Variants in RAB3GAP2 observed in about 807,000 individuals in gnomAD.
RAB3GAP2 encodes RAB3 GTPase activating non-catalytic protein subunit 2, also known as rab3 GTPase-activating protein non-catalytic subunit.
A neutral mutation model predicts 185.3 loss-of-function variants in RAB3GAP2; 87 were observed. The ratio of observed to expected loss-of-function variants is 0.47; its 90% CI spans 0.39 to 0.56. The LOEUF (loss-of-function observed/expected upper bound fraction) is 0.56, where lower values mean the gene tolerates loss of function less well. Ranked by LOEUF, RAB3GAP2 falls within the 20% of genes least tolerant of loss-of-function variation. RAB3GAP2 has a pLI of 0.00. For missense variants in RAB3GAP2, 1,492 were observed against 1,638.2 expected (o/e 0.91, Z 1.54); for synonymous variants, 554 against 576.1 (o/e 0.96, Z 0.55).
intron 9 of RAB3GAP2, among the ~76,000 whole-genome samples, chr1:220,196,792 A>G (rs190084775): frequency 9.4e-4 from 143 of 151,886 alleles, no homozygotes; most frequent in African/African-American, 3.3e-3. Context: ...GGTCACACCA[A>G]CTGCACTCCA....
rs1476717844 is a variant in RAB3GAP2, at chr1:220,182,254, T to C, written c.2310+3A>G. On this transcript the variant is annotated splice_donor_region_variant and intron_variant, in intron 21 of 34. Coordinates refer to ENST00000358951, the MANE Select transcript of RAB3GAP2 (RefSeq NM_012414.4). ...CAGCATCCAGCAACCAAAAAAACCT[T>C]ACCAACAACAGCTGAGGGCTAAGAC... 19 of 1,613,696 alleles carry C rather than the reference T, an allele frequency of 1.2e-5. No homozygotes were observed. The highest frequency in any genetic ancestry group is 1.4e-5 in the Non-Finnish European group (17 of 1,179,870).
At chr1:220,216,585 G>C (rs960327705) in intron 2 of RAB3GAP2, among the ~76,000 whole-genome samples, 1 of 152,294 alleles carries the variant, frequency 6.6e-6, no homozygotes, top group Non-Finnish European at 1.5e-5. Flanking sequence ...CTTTCAGGTA[G>C]GAGCTTAGAA....
intron 24 of RAB3GAP2, among the ~76,000 whole-genome samples, 200 bp from the exon 25 acceptor site, chr1:220,167,875 C>T (rs185390109): frequency 1.1e-4 from 17 of 152,102 alleles, no homozygotes; most frequent in African/African-American, 3.1e-4. Flanking sequence ...GGGATATTTA[C>T]GATGTCAGGG....
intron 24 of RAB3GAP2, among the ~76,000 whole-genome samples, chr1:220,169,836 T>C (rs1374806387): frequency 1.3e-5 from 2 of 152,220 alleles, no homozygotes; most frequent in African/African-American, 4.8e-5. Flanking sequence ...ATTTTATTAG[T>C]CCATTTTGAA....
intron 1 of RAB3GAP2, among the ~76,000 whole-genome samples, chr1:220,245,520 C>G (rs1038330418): frequency 2.6e-5 from 4 of 151,972 alleles, no homozygotes; most frequent in Non-Finnish European, 4.4e-5. Context: ...GGGTCCTACG[C>G]CCATGGAATC....
intron 8 of RAB3GAP2, among the ~76,000 whole-genome samples, chr1:220,202,956 GAAAAC>G (rs1206834078): frequency 6.6e-6 from 1 of 152,072 alleles, no homozygotes; most frequent in Non-Finnish European, 1.5e-5. Flanking sequence ...AACAACAAAA[GAAAAC>G]AAAACAAAAA....
chr1:220,245,791 G>C (rs1327096755), intron 1 of RAB3GAP2, among the ~76,000 whole-genome samples: 1 of 152,220 alleles, frequency 6.6e-6, no homozygotes, highest in East Asian at 1.9e-4. Context: ...GAAGAGAGCA[G>C]TGGTTCTCCC....
intron 1 of RAB3GAP2, among the ~76,000 whole-genome samples, chr1:220,239,425 T>A (rs1487338714): frequency 6.6e-6 from 1 of 152,148 alleles, no homozygotes; most frequent in Non-Finnish European, 1.5e-5. Flanking sequence ...GAGTCGGGGT[T>A]TCACCATGTT....
chr1:220,174,568 G>A (rs888386232), intron 21 of RAB3GAP2, among the ~76,000 whole-genome samples: 1 of 152,152 alleles, frequency 6.6e-6, no homozygotes, highest in Non-Finnish European at 1.5e-5. Context: ...ATTTTAAGAT[G>A]CACAGTTATT....
chr1:220,181,893 A>G (rs1045759745), intron 21 of RAB3GAP2, among the ~76,000 whole-genome samples: 1 of 146,304 alleles, frequency 6.8e-6, no homozygotes, highest in African/African-American at 2.5e-5. Context: ...CCACAAAAGT[A>G]AAAAAAAAAA....
intron 7 of RAB3GAP2, among the ~76,000 whole-genome samples, chr1:220,209,472 A>C (rs969623478): frequency 2.5e-4 from 38 of 152,078 alleles, no homozygotes; most frequent in Admixed American, 2.5e-3. Flanking sequence ...TCATCAATGA[A>C]ATTTTCTTAT....
In RAB3GAP2 at chr1:220,195,065, A is replaced by C; in HGVS notation, c.1130+13T>G. 1 of 1,613,002 alleles carries C rather than the reference A, an allele frequency of 6.2e-7. No individual in the cohort carries two copies. The highest frequency in any genetic ancestry group is 8.5e-7 in the Non-Finnish European group (1 of 1,178,928). On this transcript the variant is annotated intron_variant, in intron 12 of 34. Transcript: ENST00000358951. ...CTAAAAGGACTAAAATTTGGGAAGC[A>C]TGACAGACTTGCCTTACAGCTAATG...
At chr1:220,191,411 T>C in intron 13 of RAB3GAP2, 127 bp from the exon 14 acceptor site, 1 of 666,172 alleles carries the variant, frequency 1.5e-6, no homozygotes, top group Non-Finnish European at 2.6e-6. Context: ...GTATATTTTT[T>C]ATTATGGAAT....
chr1:220,244,601 A>C (rs1659761948), intron 1 of RAB3GAP2, among the ~76,000 whole-genome samples: 1 of 152,248 alleles, frequency 6.6e-6, no homozygotes, highest in Non-Finnish European at 1.5e-5. Context: ...TAGCCAAAGC[A>C]AGACTAAGCA....
At position 220,151,176 on chromosome 1, in the gene RAB3GAP2, G is replaced by T; in HGVS notation, c.*75C>A. 2.1e-6 allele frequency: 3 copies of T among 1,439,754 alleles called. No individual in the cohort carries two copies. Among genetic ancestry groups the T allele is most frequent in the Non-Finnish European group, 2.9e-6 (3 of 1,034,594 alleles). The allele number at this position is 1,439,754 out of a possible 1,614,324, so 89.2% of individuals were successfully genotyped here. On this transcript the variant is annotated 3_prime_UTR_variant, in exon 35 of 35. Transcript: ENST00000358951. ...ACATACTTTTCCCATAAAATTCCAG[G>T]TCTTACTATGTAAAATAACCATGCA...
chr1:220,259,339 A>C (rs1660091906), intron 1 of RAB3GAP2, among the ~76,000 whole-genome samples: 2 of 152,306 alleles, frequency 1.3e-5, no homozygotes, highest in Non-Finnish European at 2.9e-5. Flanking sequence ...ACTATACTGC[A>C]AGCTATAGTA....
At chr1:220,189,024 C>A (rs556968914) in intron 17 of RAB3GAP2, among the ~76,000 whole-genome samples, 1 of 151,828 alleles carries the variant, frequency 6.6e-6, no homozygotes, top group Middle Eastern at 3.2e-3. Context: ...AATGACGTAA[C>A]TATAAAGTAA....
intron 1 of RAB3GAP2, among the ~76,000 whole-genome samples, chr1:220,258,536 T>C (rs192877868): frequency 0.012 from 1,871 of 152,162 alleles, 17 homozygotes; most frequent in Non-Finnish European, 0.018. Context: ...AAATTCAACA[T>C]CCCTTCATGT....
chr1:220,187,464 T>C (rs1478601638), intron 17 of RAB3GAP2, among the ~76,000 whole-genome samples: 1 of 152,190 alleles, frequency 6.6e-6, no homozygotes, highest in Non-Finnish European at 1.5e-5. Flanking sequence ...AGCTTCAGAA[T>C]AAGGGGGTGG....
Sources: allele counts gnomAD v4.1 joint callset (sites outside exome capture counted in the v4.1 genomes callset), GRCh38; gene constraint gnomAD v4.1.1; transcripts MANE v1.5; gene names NCBI Gene and HGNC (gene_info 2026-07-23, HGNC 2026-07-21).